The following KAT6B variants were observed in gnomAD, a reference collection of about 807,000 sequenced individuals.
KAT6B encodes the protein histone acetyltransferase KAT6B.
In KAT6B, 10 loss-of-function variants were observed where a neutral mutation model predicts 187.5. The ratio of observed to expected loss-of-function variants is 0.05; its 90% CI spans 0.03 to 0.09. The LOEUF is 0.09. Among genes scored for constraint, KAT6B ranks in the 10% least tolerant of loss-of-function variants. The pLI is 1.00. For missense variants in KAT6B, 1,952 were observed against 2,558.9 expected (o/e 0.76, Z 5.12); for synonymous variants, 861 against 926.8 (o/e 0.93, Z 1.29).
At chr10:74,881,638 C>T (rs1236283773) in intron 3 of KAT6B, among the ~76,000 whole-genome samples, 1 of 152,134 alleles carries the variant, frequency 6.6e-6, no homozygotes, top group East Asian at 1.9e-4. Flanking sequence ...ATGCCATTAA[C>T]CAGCACACAG....
intron 13 of KAT6B, among the ~76,000 whole-genome samples, chr10:75,013,210 G>T (rs2134079366): frequency 6.6e-6 from 1 of 152,310 alleles, no homozygotes; most frequent in African/African-American, 2.4e-5. Flanking sequence ...GCCCTAAGCA[G>T]TCATTGTTTC....
At chr10:74,932,017 C>T (rs1296989074) in intron 3 of KAT6B, among the ~76,000 whole-genome samples, 1 of 152,148 alleles carries the variant, frequency 6.6e-6, no homozygotes, top group East Asian at 1.9e-4. Context: ...CGGCTGAAAG[C>T]ATGTTCTTGA....
chr10:74,857,048 C>T (rs1430059515), intron 3 of KAT6B, among the ~76,000 whole-genome samples: 3 of 152,136 alleles, frequency 2.0e-5, no homozygotes, highest in African/African-American at 7.2e-5. Flanking sequence ...GCTAGATCTT[C>T]GTTTATAAAG....
chr10:74,951,210 A>G (rs1164025868), intron 3 of KAT6B, among the ~76,000 whole-genome samples: 1 of 150,720 alleles, frequency 6.6e-6, no homozygotes, highest in Non-Finnish European at 1.5e-5. Flanking sequence ...GCTTGCTGCA[A>G]CCTCCCTCTC....
intron 3 of KAT6B, among the ~76,000 whole-genome samples, chr10:74,941,953 C>T (rs1055814546): frequency 1.3e-5 from 2 of 152,070 alleles, no homozygotes; most frequent in African/African-American, 4.8e-5. Flanking sequence ...AGTTCAAGAC[C>T]AGCCTGGCCA....
chr10:75,028,354 C>A, intron 17 of KAT6B, 135 bp from the exon 18 acceptor site: 3 of 1,306,730 alleles, frequency 2.3e-6, no homozygotes, highest in Non-Finnish European at 3.3e-6. Context: ...TTGATTATGT[C>A]TTTACCATCA....
chr10:75,012,955 G>A (rs1423993479), intron 13 of KAT6B, among the ~76,000 whole-genome samples: 7 of 152,164 alleles, frequency 4.6e-5, no homozygotes, highest in African/African-American at 1.4e-4. Context: ...GCCCTTTGGG[G>A]AAGAGCTCAG....
Position 75,032,140 on chromosome 10 carries a change from A to G in KAT6B, c.*1094A>G, listed in dbSNP as rs560871862. ...CTGTACAGGGTGACAGTAAGGGCCAAGCAGGAGAGGCGTAATCCTTGTATA... is the reference window on the plus strand; with the variant it reads ...CTGTACAGGGTGACAGTAAGGGCCAGGCAGGAGAGGCGTAATCCTTGTATA... On this transcript the variant is annotated 3_prime_UTR_variant, in exon 18 of 18. Transcript: ENST00000287239. 5.1e-6 allele frequency: 1 copy of G among 197,164 alleles called. No individual in the cohort carries two copies. Among genetic ancestry groups the G allele is most frequent in the African/African-American group, 2.3e-5 (1 of 43,412 alleles). The allele number at this position is 197,164 out of a possible 1,614,324, so 12.2% of individuals were successfully genotyped here. A position where few individuals can be genotyped will look rare whatever the true frequency, so the allele number is the denominator to read the frequency against.
intron 5 of KAT6B, 115 bp from the exon 6 acceptor site, chr10:74,969,905 A>G: frequency 1.0e-6 from 1 of 1,000,550 alleles, no homozygotes; most frequent in Non-Finnish European, 1.6e-6. Context: ...AACTGCAACC[A>G]GGATCTTGGT....
intron 3 of KAT6B, among the ~76,000 whole-genome samples, chr10:74,904,613 T>C (rs1018818262): frequency 6.6e-6 from 1 of 152,160 alleles, no homozygotes; most frequent in South Asian, 2.1e-4. Context: ...CCCCTCAGCA[T>C]CCCTTGATGA....
chr10:75,016,422 G>A (rs1844976294), intron 13 of KAT6B, among the ~76,000 whole-genome samples: 1 of 152,194 alleles, frequency 6.6e-6, no homozygotes, highest in African/African-American at 2.4e-5. Context: ...AATTGATTAT[G>A]TGGCCTGTAT....
chr10:75,029,927 G>A lies in KAT6B; in HGVS notation c.5103G>A (p.Gln1701=). 6.2e-7 allele frequency: 1 copy of A among 1,614,216 alleles called. No homozygotes were observed. The highest frequency in any genetic ancestry group is 1.3e-5 in the African/African-American group (1 of 75,068). ...GCATCTGTGGAAACGGCTCTTCACA[G>A]AACAGCTGCTCCTATAGCAACCTCA... ...GGSICGNGSS[Q]NSCSYSNLTS... Residue 1701 remains glutamine (Q), a synonymous_variant, in exon 18 of 18, where the codon CAG becomes CAA. Coordinates refer to ENST00000287239, the MANE Select transcript of KAT6B (RefSeq NM_012330.4). The surrounding 1 kb of genome is among the most constrained non-coding windows in gnomAD (Gnocchi z 6.2).
At chr10:75,004,810 T>G (rs561975452) in intron 13 of KAT6B, among the ~76,000 whole-genome samples, 1 of 152,014 alleles carries the variant, frequency 6.6e-6, no homozygotes, top group South Asian at 2.1e-4. Flanking sequence ...AAAGTGATCC[T>G]CCCATGTCAG....
In KAT6B at chr10:74,975,898, A is replaced by C; in HGVS notation, c.1561A>C (p.Ser521Arg). Residue 521 changes from serine (S) to arginine (R), a missense_variant, in exon 8 of 18, where the codon AGT (serine) becomes CGT (arginine). This residue lies in a region of KAT6B where 417 missense variants were observed against 508.9 expected (regional missense o/e 0.82). Transcript: ENST00000287239. ...GGCCACTTCTTCTCCCTCTCCCCAG[A>C]GTTCTTCCAGCCAGTGCAGTGTGCC... ...STATSSPSPQ[S>R]SSSQCSVPSL... 6.2e-7 allele frequency: 1 copy of C among 1,614,048 alleles called. No individual in the cohort carries two copies. Among genetic ancestry groups the C allele is most frequent in the Non-Finnish European group, 8.5e-7 (1 of 1,180,006 alleles).
chr10:74,976,045 C>G lies in KAT6B; in HGVS notation c.1708C>G (p.Arg570Gly). Residue 570 changes from arginine to glycine, a missense_variant, in exon 8 of 18, where the codon CGT becomes GGT. Arg to Gly is a moderately radical substitution (Grantham distance 125). Around this residue, in one of 9 missense-constraint regions of KAT6B, gnomAD observed 417 missense variants for 508.9 expected, o/e 0.82. Transcript: ENST00000287239. ...KGHPSYAPPK[R>G]MRRKTELSST... is the part of the protein sequence containing the mutation. ...ACACCCGAGTTATGCACCACCCAAA[C>G]GTATGCGTCGTAAAACTGAATTATC... 1 of 1,614,198 alleles carries G rather than the reference C, an allele frequency of 6.2e-7. No homozygotes were observed.
At chr10:74,844,056 T>C (rs1841935063) in intron 3 of KAT6B, among the ~76,000 whole-genome samples, 2 of 152,098 alleles carry the variant, frequency 1.3e-5, no homozygotes, top group Non-Finnish European at 1.5e-5. Flanking sequence ...GTATTTTTAA[T>C]AGAGACAGGA....
At chr10:74,845,521 C>CAAAAAAA (rs71024526) in intron 3 of KAT6B, among the ~76,000 whole-genome samples, 1 of 64,698 alleles carries the variant, frequency 1.5e-5, no homozygotes, top group African/African-American at 4.8e-5. Flanking sequence ...GACTCTGTCT[C>CAAAAAAA]AAAAAAAAAA....
At chr10:74,920,904 A>G (rs778196073) in intron 3 of KAT6B, among the ~76,000 whole-genome samples, 8 of 152,178 alleles carry the variant, frequency 5.3e-5, no homozygotes, top group Non-Finnish European at 1.0e-4. Context: ...TGGGCATAAA[A>G]TGGTGCCCAG....
intron 3 of KAT6B, among the ~76,000 whole-genome samples, chr10:74,942,139 G>A (rs1353475365): frequency 2.0e-5 from 3 of 152,114 alleles, no homozygotes; most frequent in Non-Finnish European, 4.4e-5. Context: ...GACAGAGTGA[G>A]ATTTTGTCTC....
Sources: allele counts gnomAD v4.1 joint callset (sites outside exome capture counted in the v4.1 genomes callset), GRCh38; gene constraint gnomAD v4.1.1; regional missense constraint gnomAD v4.1.1; non-coding constraint Gnocchi (gnomAD v3.1); transcripts MANE v1.5; gene names NCBI Gene and HGNC (gene_info 2026-07-23, HGNC 2026-07-21).